GYPC: variants seen among roughly 807,000 people sequenced by gnomAD.
GYPC encodes the protein glycophorin-C.
GYPC carries 14 observed loss-of-function variants against 12.6 expected under a neutral mutation model. The observed-to-expected ratio is 1.11, with a 90% confidence interval of 0.74 to 1.74. GYPC has a LOEUF of 1.74. Ranked by LOEUF, GYPC falls within the 40% of genes most tolerant of loss-of-function variation. The pLI is 0.00. For synonymous variants in GYPC, 78 were observed against 62.1 expected (o/e 1.26, Z -1.20); for missense variants, 225 against 172.1 (o/e 1.31, Z -1.72).
At chr2:126,661,857 G>T (rs984336548) in intron 1 of GYPC, among the ~76,000 whole-genome samples, 1 of 152,164 alleles carries the variant, frequency 6.6e-6, no homozygotes, top group Non-Finnish European at 1.5e-5. Flanking sequence ...AGGGGAGGAA[G>T]CTCCGCTTCG....
intron 1 of GYPC, chr2:126,678,763 C>T (rs959894543): frequency 1.3e-5 from 2 of 152,322 alleles, no homozygotes; most frequent in Non-Finnish European, 2.9e-5. Flanking sequence ...GCACGGCTAT[C>T]TGCCTTGGGA....
chr2:126,696,461 A>C lies in GYPC; in HGVS notation c.*319A>C, dbSNP rs1683648441. ...GACAACATCAGCTCACTGGCAGGAA[A>C]GTCCTTGTTGAGGGTGAGGGGGTGC... On this transcript the variant is annotated 3_prime_UTR_variant, in exon 4 of 4. Transcript: ENST00000259254. 1 of 391,242 alleles carries C rather than the reference A, an allele frequency of 2.6e-6. No individual in the cohort carries two copies. Among genetic ancestry groups the C allele is most frequent in the Non-Finnish European group, 4.9e-6 (1 of 204,954 alleles). 24.2% of individuals were successfully genotyped at this position (391,242 alleles called of 1,614,324 possible). A position where few individuals can be genotyped will look rare whatever the true frequency, so the allele number is the denominator to read the frequency against.
chr2:126,658,084 C>T (rs1172441839), intron 1 of GYPC: 2 of 152,264 alleles, frequency 1.3e-5, no homozygotes, highest in Non-Finnish European at 2.9e-5. Flanking sequence ...TCATGCACAG[C>T]AATCCATTGC....
intron 1 of GYPC, among the ~76,000 whole-genome samples, chr2:126,660,143 C>T (rs1682495835): frequency 6.6e-6 from 1 of 152,194 alleles, no homozygotes; most frequent in Non-Finnish European, 1.5e-5. Flanking sequence ...TTGTATGTGC[C>T]AGGCAGGGCC....
At chr2:126,668,681 G>C (rs1436174535) in intron 1 of GYPC, among the ~76,000 whole-genome samples, 1 of 152,218 alleles carries the variant, frequency 6.6e-6, no homozygotes, top group Non-Finnish European at 1.5e-5. Flanking sequence ...TGGATTGCGA[G>C]AGCAATTCAT....
intron 1 of GYPC, among the ~76,000 whole-genome samples, chr2:126,673,299 G>C (rs28387136): frequency 6.6e-6 from 1 of 152,004 alleles, no homozygotes; most frequent in African/African-American, 2.4e-5. Context: ...GTTGGCCCCC[G>C]GGCATCTGTC....
At chr2:126,693,718 C>T (rs2104809896) in intron 2 of GYPC, 146 bp from the exon 3 acceptor site, 1 of 719,654 alleles carries the variant, frequency 1.4e-6, no homozygotes. Context: ...CTGCTAGGAG[C>T]AGTGGGTGCG....
chr2:126,664,679 G>T (rs956092349), intron 1 of GYPC, among the ~76,000 whole-genome samples: 4 of 152,242 alleles, frequency 2.6e-5, no homozygotes, highest in African/African-American at 9.6e-5. Flanking sequence ...TTGGCCCATG[G>T]AAGTCACCCT....
At chr2:126,690,585 A>T (rs1683433391) in intron 2 of GYPC, among the ~76,000 whole-genome samples, 1 of 152,182 alleles carries the variant, frequency 6.6e-6, no homozygotes, top group Admixed American at 6.5e-5. Flanking sequence ...GGCCTTTCTC[A>T]GGGCTGTTGA....
chr2:126,679,820 G>A (rs557889913), intron 1 of GYPC: 1 of 152,318 alleles, frequency 6.6e-6, no homozygotes, highest in East Asian at 1.9e-4. Flanking sequence ...GTTGCAGTGA[G>A]CCGAGATCGT....
rs1683313226 is a variant in GYPC at position 126,687,084 on chromosome 2, G to A, written c.50-3171G>A. Among the ~76,000 whole-genome samples the A allele has an allele frequency of 2.0e-5, 3 of 152,146 alleles. No individual in the cohort carries two copies. In the South Asian group the frequency reaches 6.2e-4, roughly 31 times the overall value. The stretch of plus-strand genomic sequence containing the variant: ...TACAGTGTAAGGGAGTGCGCCAAGG[G>A]GGGCTCTCACCCCTCCATCTCCAGA... On this transcript the variant is annotated intron_variant, in intron 1 of 3. Transcript: ENST00000259254.
chr2:126,688,839 C>T (rs28387199), intron 1 of GYPC, among the ~76,000 whole-genome samples: 2,662 of 152,222 alleles, frequency 0.017, 32 homozygotes, highest in Middle Eastern at 0.034. Context: ...AGAATGACCT[C>T]ATAGCACTAT....
chr2:126,663,942 A>G (rs1682609494), intron 1 of GYPC, among the ~76,000 whole-genome samples: 1 of 129,736 alleles, frequency 7.7e-6, no homozygotes, highest in African/African-American at 3.1e-5. Flanking sequence ...GGTCTCTCTA[A>G]GGTTCTGGTC....
Position 126,696,362 on chromosome 2 carries a change from C to T in GYPC, c.*220C>T. Reference sequence around the variant, plus strand: ...CCCAGGGACCCAGGGAGGCGATGGCCACCCCAGAGGCCACCTTTTGCTCCA... The same window carrying T: ...CCCAGGGACCCAGGGAGGCGATGGCTACCCCAGAGGCCACCTTTTGCTCCA... On this transcript the variant is annotated 3_prime_UTR_variant, in exon 4 of 4. Transcript: ENST00000259254. The T allele has an allele frequency of 1.8e-6, 1 of 559,468 alleles. No homozygotes were observed. Among genetic ancestry groups the T allele is most frequent in the Non-Finnish European group, 3.2e-6 (1 of 309,446 alleles). The allele number at this position is 559,468 out of a possible 1,614,324, so 34.7% of individuals were successfully genotyped here. A position where few individuals can be genotyped will look rare whatever the true frequency, so the allele number is the denominator to read the frequency against.
At chr2:126,694,009 A>G in intron 3 of GYPC, 62 bp downstream of exon 3, 1 of 1,115,502 alleles carries the variant, frequency 9.0e-7, no homozygotes, top group Non-Finnish European at 1.4e-6. Flanking sequence ...GAAAACATCC[A>G]GGGGAGAACT....
Position 126,690,328 on chromosome 2 carries a change from G to A in GYPC, c.106+17G>A. 3 of 1,581,212 alleles carry A rather than the reference G, an allele frequency of 1.9e-6. No individual in the cohort carries two copies. The highest frequency in any genetic ancestry group is 2.6e-6 in the Non-Finnish European group (3 of 1,149,962). ...CCATTGCAGGTGAGTTCTCATCACAGAGCCTCACCATAATGGAAACTGCCG... is the reference window on the plus strand; with the variant it reads ...CCATTGCAGGTGAGTTCTCATCACAAAGCCTCACCATAATGGAAACTGCCG... On this transcript the variant is annotated intron_variant, in intron 2 of 3. Transcript: ENST00000259254.
Position 126,696,142 on chromosome 2 carries a change from A to C in GYPC, c.387A>C (p.Ter129CysextTer48), listed in dbSNP as rs1558895593. 1 of 1,610,930 alleles carries C rather than the reference A, an allele frequency of 6.2e-7. No individual in the cohort carries two copies. Among genetic ancestry groups the C allele is most frequent in the East Asian group, 2.2e-5 (1 of 44,854 alleles). The stretch of plus-strand genomic sequence containing the variant: ...GCAGCAGAAAGGAGTACTTTATTTG[A>C]GGGACAACAGACTTCACTTCCCTGA... ...GDSSRKEYFI[*>C] Residue 129 changes from the stop codon to cysteine (C), a stop_lost, in exon 4 of 4, where the codon TGA (stop) becomes TGC (cysteine). Transcript: ENST00000259254.
At chr2:126,676,495 T>C (rs1260505710) in intron 1 of GYPC, among the ~76,000 whole-genome samples, 2 of 152,254 alleles carry the variant, frequency 1.3e-5, no homozygotes, top group Non-Finnish European at 2.9e-5. Context: ...GATTAGTCTC[T>C]AGTGCATTTA....
intron 1 of GYPC, among the ~76,000 whole-genome samples, chr2:126,663,783 G>T (rs1262819560): frequency 6.6e-6 from 1 of 152,200 alleles, no homozygotes; most frequent in Non-Finnish European, 1.5e-5. Context: ...CCTCTCCCCT[G>T]TCTGCCAGTG....
Sources: gnomAD v4.1 joint callset for allele counts (sites outside exome capture counted in the v4.1 genomes callset) on GRCh38, gnomAD v4.1.1 for gene constraint, MANE v1.5 for transcripts, NCBI Gene and HGNC (gene_info 2026-07-23, HGNC 2026-07-21) for gene names.